CEP20: variants seen among roughly 807,000 people sequenced by gnomAD.
CEP20 encodes the protein centrosomal protein 20, also known as FGFR1OP N-terminal like.
Under a neutral mutation model 20.0 loss-of-function variants are expected in CEP20, and 18 were observed. The observed-to-expected ratio is 0.90, with a 90% confidence interval of 0.62 to 1.34. The LOEUF is 1.34. Ranked by LOEUF, CEP20 falls within the 40% of genes most tolerant of loss-of-function variation. The pLI is 0.00. For missense variants in CEP20, 215 were observed against 201.6 expected, an observed-to-expected ratio of 1.07 and a Z score of -0.40; for synonymous variants, 77 against 73.7, an observed-to-expected ratio of 1.04 and a Z score of -0.23.
At chr16:15,882,155 C>T (rs1597006109) in intron 2 of CEP20, among the ~76,000 whole-genome samples, 2 of 152,308 alleles carry the variant, frequency 1.3e-5, no homozygotes, top group Middle Eastern at 3.4e-3. Context: ...AACGTGCTTG[C>T]TGCAGTGAGC....
chr16:15,884,486 C>T (rs2045192305), intron 1 of CEP20, among the ~76,000 whole-genome samples: 1 of 150,856 alleles, frequency 6.6e-6, no homozygotes, highest in South Asian at 2.1e-4. Context: ...TAGTCTAATA[C>T]ATATTCTTTT....
chr16:15,873,176 C>G (rs1005780450), intron 4 of CEP20, among the ~76,000 whole-genome samples: 13 of 151,942 alleles, frequency 8.6e-5, no homozygotes, highest in Non-Finnish European at 1.8e-4. Flanking sequence ...CTCCTGGCCT[C>G]AAGCGATCCA....
chr16:15,884,151 A>G lies in CEP20; in HGVS notation c.83T>C (p.Ile28Thr). 6.2e-7 allele frequency: 1 copy of G among 1,614,046 alleles called. No individual in the cohort carries two copies. The highest frequency in any genetic ancestry group is 8.5e-7 in the Non-Finnish European group (1 of 1,179,950). ...TAGGGCATTGAAAACTTCAGCTCGG[A>G]TCCTTGCTTTTAAATGCCCTAATAC... Reference protein sequence around the residue: ...KGVLGHLKARIRAEVFNALDD... With the variant: ...KGVLGHLKARTRAEVFNALDD... Residue 28 changes from isoleucine to threonine, a missense_variant, in exon 2 of 5, where the codon ATC becomes ACC. Coordinates refer to ENST00000255759, the MANE Select transcript of CEP20 (RefSeq NM_144600.4).
chr16:15,887,937 G>A (rs1040381243), intron 1 of CEP20, among the ~76,000 whole-genome samples: 11 of 151,892 alleles, frequency 7.2e-5, no homozygotes, highest in African/African-American at 2.7e-4. Flanking sequence ...AATTAGCCGG[G>A]CGTAGTGAAG....
chr16:15,872,062 C>A (rs1204093334), intron 4 of CEP20, among the ~76,000 whole-genome samples: 1 of 152,144 alleles, frequency 6.6e-6, no homozygotes, highest in Non-Finnish European at 1.5e-5. Flanking sequence ...AGCCTGTAAT[C>A]CCAGCACTTT....
Position 15,888,560 on chromosome 16 carries a change from G to C in CEP20, c.26C>G (p.Ala9Gly), listed in dbSNP as rs371449713. The change falls in exon 1 of 5, where the codon GCT (alanine) becomes GGT (glycine). Residue 9 changes from alanine to glycine, a missense_variant and splice_region_variant. Ala to Gly is a moderately conservative substitution (Grantham distance 60). Coordinates refer to ENST00000255759, the MANE Select transcript of CEP20 (RefSeq NM_144600.4). ...GAGGCCTCCCTGCTCGCACTCACCAGCCTTCAACTCTGCCACAGTCGCCAT... is the reference window on the plus strand; with the variant it reads ...GAGGCCTCCCTGCTCGCACTCACCACCCTTCAACTCTGCCACAGTCGCCAT... MATVAELK[A>G]VLKDTLEKKG... 6.2e-7 allele frequency: 1 copy of C among 1,614,148 alleles called. No homozygotes were observed. The highest frequency in any genetic ancestry group is 1.3e-5 in the African/African-American group (1 of 75,050).
chr16:15,881,403 T>C (rs1274373621), intron 2 of CEP20, among the ~76,000 whole-genome samples: 3 of 152,206 alleles, frequency 2.0e-5, no homozygotes, highest in Non-Finnish European at 4.4e-5. Context: ...AAAGCAGAGA[T>C]GCTGATATCA....
At chr16:15,879,174 G>C (rs2045038447) in intron 3 of CEP20, among the ~76,000 whole-genome samples, 2 of 152,176 alleles carry the variant, frequency 1.3e-5, no homozygotes, top group African/African-American at 4.8e-5. Flanking sequence ...TAATAGTAAC[G>C]AAAGCAGTGG....
At chr16:15,868,990 C>T (rs2044749133) in intron 4 of CEP20, among the ~76,000 whole-genome samples, 1 of 151,496 alleles carries the variant, frequency 6.6e-6, no homozygotes, top group African/African-American at 2.4e-5. Context: ...ATCACCTGGG[C>T]CTGTGAGGTC....
rs2044695763 is a variant in CEP20 at position 15,867,017 on chromosome 16, G to C, written c.*423C>G. 6.2e-6 allele frequency: 1 copy of C among 161,832 alleles called. No homozygotes were observed. The highest frequency in any genetic ancestry group is 1.6e-4 in the South Asian group (1 of 6,172). 10.0% of individuals were successfully genotyped at this position (161,832 alleles called of 1,614,324 possible). A position where few individuals can be genotyped will look rare whatever the true frequency, so the allele number is the denominator to read the frequency against. ...GAGGTCAGGAGTTCAAGACCAGCCT[G>C]GCCAGCATGGTGAAACCCCATCTCT... On this transcript the variant is annotated 3_prime_UTR_variant, in exon 5 of 5. Coordinates refer to ENST00000255759, the MANE Select transcript of CEP20 (RefSeq NM_144600.4).
At chr16:15,880,126 G>C (rs1382130167) in intron 2 of CEP20, among the ~76,000 whole-genome samples, 1 of 152,148 alleles carries the variant, frequency 6.6e-6, no homozygotes, top group African/African-American at 2.4e-5. Context: ...CCAGTGTTTG[G>C]TTGGAAAAAT....
Position 15,884,022 on chromosome 16 carries a change from G to A in CEP20, c.212C>T (p.Ser71Phe), listed in dbSNP as rs1282494087. Residue 71 changes from serine (S) to phenylalanine (F), a missense_variant, in exon 2 of 5, where the codon TCT (serine) becomes TTT (phenylalanine). Physicochemically the swap from Ser to Phe is radical, Grantham distance 155 (BLOSUM62 -2). Coordinates refer to ENST00000255759, the MANE Select transcript of CEP20 (RefSeq NM_144600.4). ...TAACCACTTACCTGCTATGAGGACA[G>A]ATGCTGTATACTTATATTTGTTGAA... ...LEFNKYKYTA[S>F]VLIAESGQPV... The A allele has an allele frequency of 1.2e-6, 2 of 1,612,196 alleles. No homozygotes were observed. The highest frequency in any genetic ancestry group is 8.5e-7 in the Non-Finnish European group (1 of 1,178,626).
At position 15,879,892 on chromosome 16, in the gene CEP20, G is replaced by T; in HGVS notation, c.227-4C>A. 1 of 1,571,444 alleles carries T rather than the reference G, an allele frequency of 6.4e-7. No homozygotes were observed. The highest frequency in any genetic ancestry group is 8.6e-7 in the Non-Finnish European group (1 of 1,163,952). ...GGAACTACAGGTTGACCAGATTCTG[G>T]GAGAAATAAATTCATGAGAACACTC... is the stretch of plus-strand genomic sequence containing the variant. On this transcript the variant is annotated splice_region_variant and splice_polypyrimidine_tract_variant and intron_variant, in intron 2 of 4. Transcript: ENST00000255759.
chr16:15,883,475 C>T (rs1276873073), intron 2 of CEP20, among the ~76,000 whole-genome samples: 4 of 152,054 alleles, frequency 2.6e-5, no homozygotes, highest in African/African-American at 4.8e-5. Context: ...TCACCCCCTC[C>T]CCGACCCCTG....
At position 15,866,008 on chromosome 16, in the gene CEP20, CATACA is replaced by C. The variant is rs1215994670; in HGVS notation, c.*1427_*1431del. The C allele has an allele frequency of 9.2e-5, 14 of 152,284 alleles. No homozygotes were observed. The highest frequency in any genetic ancestry group is 5.8e-4 in the East Asian group (3 of 5,182). The allele number at this position is 152,284 out of a possible 1,614,324, so 9.4% of individuals were successfully genotyped here. A position where few individuals can be genotyped will look rare whatever the true frequency, so the allele number is the denominator to read the frequency against. On this transcript the variant is annotated 3_prime_UTR_variant, in exon 5 of 5. Transcript: ENST00000255759. The stretch of plus-strand genomic sequence containing the variant: ...GAGAATTCAGATATTTATATTCACA[CATACA>C]ATACAACGGAATTCATCAATGTAAT...
intron 4 of CEP20, among the ~76,000 whole-genome samples, chr16:15,872,338 T>G (rs918778888): frequency 6.6e-6 from 1 of 150,736 alleles, no homozygotes; most frequent in Non-Finnish European, 1.5e-5. Flanking sequence ...ATTGATCAGC[T>G]CTCTACCACA....
chr16:15,877,618 T>G (rs1471690745), intron 3 of CEP20, among the ~76,000 whole-genome samples: 3 of 152,004 alleles, frequency 2.0e-5, no homozygotes, highest in African/African-American at 7.2e-5. Flanking sequence ...AATACAAAAA[T>G]TGGCCAGGCA....
At position 15,867,471 on chromosome 16, in the gene CEP20, T is replaced by C. The variant is rs764096257; in HGVS notation, c.494A>G (p.Asp165Gly). ...KEEQKSTNIEDLHVSQAVNR is the reference protein window; with the variant it reads ...KEEQKSTNIEGLHVSQAVNR ...GTTGACTGCCTGAGAAACATGAAGA[T>C]CTTCAATGTTAGTACTTTTCTGTTC... The change falls in exon 5 of 5, where the codon GAT (aspartate) becomes GGT (glycine). Residue 165 changes from aspartate (D) to glycine (G), a missense_variant. Asp to Gly is a moderately conservative substitution (Grantham distance 94). Coordinates refer to ENST00000255759, the MANE Select transcript of CEP20 (RefSeq NM_144600.4). 70 of 1,603,408 alleles carry C rather than the reference T, an allele frequency of 4.4e-5. No individual in the cohort carries two copies. In the East Asian group the frequency reaches 1.2e-3, roughly 27 times the overall value.
intron 2 of CEP20, among the ~76,000 whole-genome samples, chr16:15,883,588 G>A (rs926302017): frequency 2.0e-5 from 3 of 152,078 alleles, no homozygotes; most frequent in East Asian, 1.9e-4. Flanking sequence ...GGCTGGTCGC[G>A]AACTCCTGGG....
Sources: allele counts gnomAD v4.1 joint callset (sites outside exome capture counted in the v4.1 genomes callset), GRCh38; gene constraint gnomAD v4.1.1; transcripts MANE v1.5; gene names NCBI Gene and HGNC (gene_info 2026-07-23, HGNC 2026-07-21).